Variants in KCNS1 observed in about 807,000 individuals in gnomAD.
KCNS1 encodes the protein potassium voltage-gated channel modifier subfamily S member 1, also known as delayed-rectifier potassium channel regulatory subunit KCNS1.
KCNS1 carries 26 observed loss-of-function variants against 33.1 expected under a neutral mutation model. The observed-to-expected ratio is 0.79, with a 90% CI of 0.58 to 1.09. The LOEUF (loss-of-function observed/expected upper bound fraction) is 1.09, where lower values mean the gene tolerates loss of function less well. KCNS1 is among the 50% of genes least tolerant of loss of function. The probability of loss-of-function intolerance (pLI) is 0.00; values close to 1 mark genes in which losing one functional copy is unlikely to be tolerated. For missense variants in KCNS1, 702 were observed against 752.4 expected, an observed-to-expected ratio of 0.93 and a Z score of 0.78; for synonymous variants, 299 against 338.8, an observed-to-expected ratio of 0.88 and a Z score of 1.29.
At chr20:45,095,460 G>A in intron 3 of KCNS1, 120 bp from the exon 4 acceptor site, 1 of 913,496 alleles carries the variant, frequency 1.1e-6, no homozygotes, top group Non-Finnish European at 1.6e-6. Context: ...GCAAGATAGA[G>A]CTGGTGCTAA....
Position 45,094,724 on chromosome 20 carries a change from G to C in KCNS1, c.*146C>G, listed in dbSNP as rs1568789324. On this transcript the variant is annotated 3_prime_UTR_variant, in exon 4 of 4. Transcript: ENST00000537075. ...ATCTAGGGTAGCACTGTCCTGTCCTGGGCCTTTGGAGGAAGGAATGCAGCT... is the reference window on the plus strand; with the variant it reads ...ATCTAGGGTAGCACTGTCCTGTCCTCGGCCTTTGGAGGAAGGAATGCAGCT... 4 of 729,564 alleles carry C rather than the reference G, an allele frequency of 5.5e-6. No individual in the cohort carries two copies. In the East Asian group the frequency reaches 9.9e-5, roughly 18 times the overall value. 45.2% of individuals were successfully genotyped at this position (729,564 alleles called of 1,614,324 possible).
At position 45,094,612 on chromosome 20, in the gene KCNS1, C is replaced by A; in HGVS notation, c.*258G>T. 1 of 455,402 alleles carries A rather than the reference C, an allele frequency of 2.2e-6. No homozygotes were observed. The highest frequency in any genetic ancestry group is 3.9e-6 in the Non-Finnish European group (1 of 254,004). 28.2% of individuals were successfully genotyped at this position (455,402 alleles called of 1,614,324 possible). A position where few individuals can be genotyped will look rare whatever the true frequency, so the allele number is the denominator to read the frequency against. ...TCAGGAATCATTAGTATCCTTTCAA[C>A]TTCCTCCCTCTGGCTCATGCCTGCT... On this transcript the variant is annotated 3_prime_UTR_variant, in exon 4 of 4. Coordinates refer to ENST00000537075, the MANE Select transcript of KCNS1 (RefSeq NM_001322799.2).
At position 45,092,403 on chromosome 20, in the gene KCNS1, TGGTAGGCTCA is replaced by T. The variant is rs1216530576; in HGVS notation, c.*2457_*2466del. On this transcript the variant is annotated 3_prime_UTR_variant, in exon 4 of 4. Coordinates refer to ENST00000537075, the MANE Select transcript of KCNS1 (RefSeq NM_001322799.2). ...TCTGCCAGGACCACAAACAGCCTCATGGTAGGCTCAGGCCAGATGATTCCCTCTTGAGCTT... is the reference window on the plus strand; with the variant it reads ...TCTGCCAGGACCACAAACAGCCTCATGGCCAGATGATTCCCTCTTGAGCTT... The T allele has an allele frequency of 6.6e-6, 1 of 152,190 alleles. No homozygotes were observed. The highest frequency in any genetic ancestry group is 1.5e-5 in the Non-Finnish European group (1 of 68,050). The allele number at this position is 152,190 out of a possible 1,614,324, so 9.4% of individuals were successfully genotyped here. A position where few individuals can be genotyped will look rare whatever the true frequency, so the allele number is the denominator to read the frequency against.
chr20:45,092,942 G>GTCTA lies in KCNS1; in HGVS notation c.*1924_*1927dup, dbSNP rs1014694736. 5.9e-5 allele frequency: 9 copies of GTCTA among 151,956 alleles called. No individual in the cohort carries two copies. The highest frequency in any genetic ancestry group is 5.9e-4 in the Admixed American group (9 of 15,258). The allele number at this position is 151,956 out of a possible 1,614,324, so 9.4% of individuals were successfully genotyped here. On this transcript the variant is annotated 3_prime_UTR_variant, in exon 4 of 4. Transcript: ENST00000537075. ...ATATTTATGTGATTATTGCATTAGA[G>GTCTA]TCTATCTTCCCTACTAGTCGGTAAG...
rs1981375405 is a variant in KCNS1 at position 45,101,043 on chromosome 20, G to GT, written c.-127_-126insA. The GT allele has an allele frequency of 6.5e-6, 1 of 152,854 alleles. No individual in the cohort carries two copies. The highest frequency in any genetic ancestry group is 6.5e-5 in the Admixed American group (1 of 15,294). 9.5% of individuals were successfully genotyped at this position (152,854 alleles called of 1,614,324 possible). A position where few individuals can be genotyped will look rare whatever the true frequency, so the allele number is the denominator to read the frequency against. On this transcript the variant is annotated 5_prime_UTR_variant, in exon 1 of 4. Coordinates refer to ENST00000537075, the MANE Select transcript of KCNS1 (RefSeq NM_001322799.2). ...CCCGCCGAGCCTCCTGCTGCAGGCG[G>GT]CCCCGCTGCCCTCTCCTTCCTTCTT...
Position 45,098,799 on chromosome 20 carries a change from G to T in KCNS1, c.77-104C>A. The T allele has an allele frequency of 8.9e-7, 1 of 1,129,754 alleles. No homozygotes were observed. The highest frequency in any genetic ancestry group is 1.2e-6 in the Non-Finnish European group (1 of 865,678). 70.0% of individuals were successfully genotyped at this position (1,129,754 alleles called of 1,614,324 possible). ...TCCAACCAGCCAAGGGGTGTTGGAG[G>T]CTGTGTGTGAAGCATCTGGTATGCA... On this transcript the variant is annotated intron_variant, in intron 2 of 3. Coordinates refer to ENST00000537075, the MANE Select transcript of KCNS1 (RefSeq NM_001322799.2). The surrounding 1 kb of genome is among the most constrained non-coding windows in gnomAD (Gnocchi z 5.2).
Position 45,095,009 on chromosome 20 carries a change from T to C in KCNS1, c.1442A>G (p.Glu481Gly), listed in dbSNP as rs752253447. The C allele has an allele frequency of 1.9e-6, 3 of 1,613,700 alleles. No homozygotes were observed. Among genetic ancestry groups the C allele is most frequent in the South Asian group, 2.2e-5 (2 of 91,050 alleles). The change falls in exon 4 of 4, where the codon GAG becomes GGG. Residue 481 changes from glutamate to glycine, a missense_variant. Coordinates refer to ENST00000537075, the MANE Select transcript of KCNS1 (RefSeq NM_001322799.2). ...EAAVRNSNHQ[E>G]FEDLLSSIDG... Reference sequence around the variant, plus strand: ...AATGCTGCTCAGCAAGTCCTCAAACTCTTGGTGGTTGCTGTTGCGCACGGC... The same window carrying C: ...AATGCTGCTCAGCAAGTCCTCAAACCCTTGGTGGTTGCTGTTGCGCACGGC...
chr20:45,098,236 G>A lies in KCNS1; in HGVS notation c.536C>T (p.Pro179Leu). Residue 179 changes from proline (P) to leucine (L), a missense_variant, in exon 3 of 4, where the codon CCG becomes CTG. Physicochemically the swap from Pro to Leu is moderately conservative, Grantham distance 98. Transcript: ENST00000537075. This position sits in a 1 kb window ranked among gnomAD's most constrained non-coding sequence, Gnocchi z 5.2. Reference protein sequence around the residue: ...EDSDTPSSVDPCPDEISDVQR... With the variant: ...EDSDTPSSVDLCPDEISDVQR... Reference sequence around the variant, plus strand: ...CACGTCGGAGATCTCGTCGGGGCACGGGTCCACGCTGCTCGGCGTGTCGCT... The same window carrying A: ...CACGTCGGAGATCTCGTCGGGGCACAGGTCCACGCTGCTCGGCGTGTCGCT... 6.2e-7 allele frequency: 1 copy of A among 1,601,738 alleles called. No individual in the cohort carries two copies. The highest frequency in any genetic ancestry group is 8.5e-7 in the Non-Finnish European group (1 of 1,175,504).
At position 45,098,258 on chromosome 20, in the gene KCNS1, C is replaced by A; in HGVS notation, c.514G>T (p.Asp172Tyr). The A allele has an allele frequency of 1.3e-6, 2 of 1,595,504 alleles. No individual in the cohort carries two copies. Among genetic ancestry groups the A allele is most frequent in the South Asian group, 2.2e-5 (2 of 89,012 alleles). Residue 172 changes from aspartate to tyrosine, a missense_variant, in exon 3 of 4, where the codon GAC (aspartate) becomes TAC (tyrosine). Coordinates refer to ENST00000537075, the MANE Select transcript of KCNS1 (RefSeq NM_001322799.2). The surrounding 1 kb of genome is among the most constrained non-coding windows in gnomAD (Gnocchi z 5.2). ...CACGGGTCCACGCTGCTCGGCGTGT[C>A]GCTGTCCTCGTCCCAGGCGTGCGGC... ...TQPHAWDEDSDTPSSVDPCPD... is the reference protein window; with the variant it reads ...TQPHAWDEDSYTPSSVDPCPD...
rs748117189 is a variant in KCNS1, at chr20:45,094,911, T to C, written c.1540A>G (p.Ser514Gly). The change falls in exon 4 of 4, where the codon AGC becomes GGC. Residue 514 changes from serine (S) to glycine (G), a missense_variant. Transcript: ENST00000537075. ...SQEGQSADLE[S>G]QAPSEPPHPQ... ...TGTGGAGGCTCACTGGGGGCCTGGC[T>C]CTCTAGATCTGCAGACTGTCCCTCC... 6.2e-7 allele frequency: 1 copy of C among 1,613,634 alleles called. No individual in the cohort carries two copies. The highest frequency in any genetic ancestry group is 8.5e-7 in the Non-Finnish European group (1 of 1,179,804).
Position 45,097,929 on chromosome 20 carries a change from G to C in KCNS1, c.843C>G (p.Ala281=), listed in dbSNP as rs547517793. Residue 281 remains alanine (A), a synonymous_variant, in exon 3 of 4, where the codon GCC becomes GCG. Coordinates refer to ENST00000537075, the MANE Select transcript of KCNS1 (RefSeq NM_001322799.2). ...GCGACGACACCTCGAAGCTGAACCAGGCGATGCAGAAGTACTCGAGGCGTC... is the reference window on the plus strand; with the variant it reads ...GCGACGACACCTCGAAGCTGAACCACGCGATGCAGAAGTACTCGAGGCGTC... The part of the protein sequence containing the change: ...VLRRLEYFCI[A]WFSFEVSSRL... 4 of 1,594,318 alleles carry C rather than the reference G, an allele frequency of 2.5e-6. No individual in the cohort carries two copies. The African/African-American group carries it at 5.4e-5, about 21-fold the overall frequency.
chr20:45,095,377 G>A (rs777841036), intron 3 of KCNS1, 37 bp from the exon 4 acceptor site: 1 of 1,562,620 alleles, frequency 6.4e-7, no homozygotes, highest in Non-Finnish European at 8.7e-7. Flanking sequence ...CAGAGTGGAT[G>A]GGCTTACAGT....
intron 3 of KCNS1, 67 bp downstream of exon 3, chr20:45,097,595 C>T (rs1285196145): frequency 1.4e-6 from 2 of 1,459,932 alleles, no homozygotes; most frequent in African/African-American, 1.4e-5. Context: ...CTTGTAAGTT[C>T]ACCTGCTAAC....
At chr20:45,099,748 T>G (rs1443209056) in intron 1 of KCNS1, among the ~76,000 whole-genome samples, 1 of 152,130 alleles carries the variant, frequency 6.6e-6, no homozygotes, top group Non-Finnish European at 1.5e-5. Flanking sequence ...TAAGGTAGAT[T>G]ATAGAAAGTG....
chr20:45,097,773 C>A lies in KCNS1; in HGVS notation c.999G>T (p.Glu333Asp). 1 of 1,613,378 alleles carries A rather than the reference C, an allele frequency of 6.2e-7. No homozygotes were observed. Among genetic ancestry groups the A allele is most frequent in the Non-Finnish European group, 8.5e-7 (1 of 1,179,966 alleles). Residue 333 changes from glutamate (E) to aspartate (D), a missense_variant, in exon 3 of 4, where the codon GAG (glutamate) becomes GAT (aspartate). This residue lies in a region of KCNS1 where 253 missense variants were observed against 327.4 expected (regional missense o/e 0.77). Transcript: ENST00000537075. ...GCACCACCTTGCCCAGGTGGCCGAACTCCTTGCCGCCCTGGTCGCCCAGTG... is the reference window on the plus strand; with the variant it reads ...GCACCACCTTGCCCAGGTGGCCGAAATCCTTGCCGCCCTGGTCGCCCAGTG... ...GVALGDQGGK[E>D]FGHLGKVVQV...
rs1005276013 is a variant in KCNS1, at chr20:45,091,370, A to G, written c.*3500T>C. 2.0e-5 allele frequency among the ~76,000 whole-genome samples: 3 copies of G among 152,182 alleles called. No individual in the cohort carries two copies. The highest frequency in any genetic ancestry group is 7.2e-5 in the African/African-American group (3 of 41,430). ...TCCTGGGATTGGAACTGTGAGCAGG[A>G]TGATACAGGGAAGGAAGTTGACTGG... On this transcript the variant is annotated 3_prime_UTR_variant, in exon 4 of 4. Transcript: ENST00000537075.
chr20:45,098,138 TCTCCATGGTCAGCCAGAGGC>T lies in KCNS1; in HGVS notation c.614_633del (p.Arg205GlnfsTer164). 1 of 1,606,074 alleles carries T rather than the reference TCTCCATGGTCAGCCAGAGGC, an allele frequency of 6.2e-7. No homozygotes were observed. The highest frequency in any genetic ancestry group is 8.5e-7 in the Non-Finnish European group (1 of 1,177,202). The stretch of plus-strand genomic sequence containing the variant: ...TTGCTCGGCAGCGAGTAGCCCGGGT[TCTCCATGGTCAGCCAGAGGC>T]GGCGGCGCAGGCGGCCACAGCGCGC... On this transcript the variant is annotated frameshift_variant, in exon 3 of 4. Transcript: ENST00000537075. LOFTEE classifies it high-confidence loss of function. This position sits in a 1 kb window ranked among gnomAD's most constrained non-coding sequence, Gnocchi z 5.2.
In KCNS1 at chr20:45,098,574, G is replaced by T; in HGVS notation, c.198C>A (p.Arg66=). ...VGGVRRQLSA[R]ALARFPGTRL... is the part of the protein sequence containing the mutation. ...GCGTGCCCGGGAAGCGCGCCAGGGC[G>T]CGCGCGCTCAGCTGCCGCCGCACGC... Residue 66 remains arginine (R), a synonymous_variant, in exon 3 of 4, where the codon CGC becomes CGA. Transcript: ENST00000537075. This position sits in a 1 kb window ranked among gnomAD's most constrained non-coding sequence, Gnocchi z 5.2. 1 of 1,380,510 alleles carries T rather than the reference G, an allele frequency of 7.2e-7. No homozygotes were observed. The highest frequency in any genetic ancestry group is 9.4e-7 in the Non-Finnish European group (1 of 1,064,678). The allele number at this position is 1,380,510 out of a possible 1,614,324, so 85.5% of individuals were successfully genotyped here.
chr20:45,097,790 C>G lies in KCNS1; in HGVS notation c.982G>C (p.Asp328His). 1.9e-6 allele frequency: 3 copies of G among 1,613,430 alleles called. No homozygotes were observed. The highest frequency in any genetic ancestry group is 2.5e-6 in the Non-Finnish European group (3 of 1,179,954). Reference sequence around the variant, plus strand: ...TGGCCGAACTCCTTGCCGCCCTGGTCGCCCAGTGCCACACCAGCCAGCAGC... The same window carrying G: ...TGGCCGAACTCCTTGCCGCCCTGGTGGCCCAGTGCCACACCAGCCAGCAGC... Reference protein sequence around the residue: ...LTLLAGVALGDQGGKEFGHLG... With the variant: ...LTLLAGVALGHQGGKEFGHLG... The change falls in exon 3 of 4, where the codon GAC (aspartate) becomes CAC (histidine). Residue 328 changes from aspartate (D) to histidine (H), a missense_variant. By Grantham distance (81) the Asp-to-His change is moderately conservative. Coordinates refer to ENST00000537075, the MANE Select transcript of KCNS1 (RefSeq NM_001322799.2).
Sources: gnomAD v4.1 joint callset for allele counts (sites outside exome capture counted in the v4.1 genomes callset) on GRCh38, gnomAD v4.1.1 for gene constraint, gnomAD v4.1.1 regional missense constraint, Gnocchi (gnomAD v3.1) non-coding constraint, MANE v1.5 for transcripts, NCBI Gene and HGNC (gene_info 2026-07-23, HGNC 2026-07-21) for gene names.